The following TBCK variants were observed in gnomAD, a reference collection of about 807,000 sequenced individuals.
TBCK encodes TBC1 domain containing kinase, also known as TBC domain-containing protein kinase-like protein.
TBCK carries 99 observed loss-of-function variants against 113.4 expected under a neutral mutation model. That is an observed-to-expected ratio of 0.87 (90% CI 0.74 to 1.03). TBCK has a LOEUF of 1.03. Ranked by LOEUF, TBCK falls within the 50% of genes least tolerant of loss-of-function variation. The pLI, the probability that TBCK is intolerant of heterozygous loss-of-function variation, is 0.00. For synonymous variants in TBCK, 369 were observed against 370.8 expected, an observed-to-expected ratio of 1.00 and a Z score of 0.05; for missense variants, 1,045 against 1,061.3, an observed-to-expected ratio of 0.98 and a Z score of 0.21.
chr4:106,265,636 C>T (rs1003755602), intron 3 of TBCK, among the ~76,000 whole-genome samples: 12 of 151,596 alleles, frequency 7.9e-5, no homozygotes, highest in East Asian at 1.9e-4. Flanking sequence ...TGTTCCTTGT[C>T]GATAGATACT....
intron 23 of TBCK, among the ~76,000 whole-genome samples, chr4:106,122,122 C>T (rs897119587): frequency 2.5e-4 from 38 of 151,766 alleles, no homozygotes; most frequent in African/African-American, 8.5e-4. Flanking sequence ...ATTGATAGAC[C>T]GCTAGCAAGA....
At chr4:106,154,782 A>G (rs1202346486) in intron 23 of TBCK, among the ~76,000 whole-genome samples, 1 of 152,124 alleles carries the variant, frequency 6.6e-6, no homozygotes, top group Admixed American at 6.6e-5. Context: ...TTTCTTTATA[A>G]ATTACCCAGT....
chr4:106,150,309 CTTA>C (rs1038986720), intron 23 of TBCK, among the ~76,000 whole-genome samples: 4 of 152,164 alleles, frequency 2.6e-5, no homozygotes, highest in African/African-American at 7.2e-5. Context: ...ATATGAATGC[CTTA>C]TTGAGATATT....
intron 2 of TBCK, among the ~76,000 whole-genome samples, chr4:106,301,171 T>C (rs1276721212): frequency 6.8e-6 from 1 of 147,040 alleles, no homozygotes; most frequent in Non-Finnish European, 1.5e-5. Flanking sequence ...ATAACTTATA[T>C]AATTATATAT....
intron 3 of TBCK, among the ~76,000 whole-genome samples, chr4:106,275,323 G>A (rs896245794): frequency 5.3e-5 from 8 of 152,040 alleles, no homozygotes; most frequent in Non-Finnish European, 1.2e-4. Context: ...AGCTAAGACC[G>A]TATATAATGG....
At chr4:106,081,909 T>C (rs1400883488) in intron 25 of TBCK, among the ~76,000 whole-genome samples, 2 of 152,102 alleles carry the variant, frequency 1.3e-5, no homozygotes, top group Non-Finnish European at 2.9e-5. Context: ...TGAGATACCA[T>C]CTCACATCAG....
chr4:106,077,480 TA>T (rs1738342485), intron 25 of TBCK, among the ~76,000 whole-genome samples: 1 of 152,180 alleles, frequency 6.6e-6, no homozygotes, highest in South Asian at 2.1e-4. Context: ...AAAGATTGAT[TA>T]GGTAAATAGA....
At chr4:106,077,832 A>G (rs1449944126) in intron 25 of TBCK, among the ~76,000 whole-genome samples, 1 of 152,202 alleles carries the variant, frequency 6.6e-6, no homozygotes, top group Non-Finnish European at 1.5e-5. Context: ...AGAACACTCC[A>G]TCCAACAACA....
chr4:106,125,073 C>T (rs1274630748), intron 23 of TBCK, among the ~76,000 whole-genome samples: 11 of 150,430 alleles, frequency 7.3e-5, no homozygotes, highest in Admixed American at 7.3e-4. Flanking sequence ...AGGCAAAAAG[C>T]ATGGACGTTA....
intron 3 of TBCK, among the ~76,000 whole-genome samples, chr4:106,275,683 CAT>C: frequency 6.6e-6 from 1 of 152,162 alleles, no homozygotes; most frequent in Admixed American, 6.5e-5. Context: ...ATATCAAAAA[CAT>C]AAGCTACTTA....
intron 2 of TBCK, among the ~76,000 whole-genome samples, chr4:106,306,023 C>T (rs12644596): frequency 0.15 from 22,712 of 152,010 alleles, 1,842 homozygotes; most frequent in South Asian, 0.25. Flanking sequence ...CTTCACTTTC[C>T]TAACAAACTT....
intron 23 of TBCK, among the ~76,000 whole-genome samples, chr4:106,135,428 G>A (rs746209975): frequency 2.1e-5 from 2 of 96,664 alleles, no homozygotes; most frequent in Non-Finnish European, 5.3e-5. Flanking sequence ...TGGCTCTGGA[G>A]AATGTACACT....
At chr4:106,265,186 CTCTT>C (rs1410798740) in intron 3 of TBCK, among the ~76,000 whole-genome samples, 2 of 151,908 alleles carry the variant, frequency 1.3e-5, no homozygotes, top group African/African-American at 2.4e-5. Flanking sequence ...TGTTTTCTCT[CTCTT>C]TTTCTCTAAG....
Position 106,232,927 on chromosome 4 carries a change from A to G in TBCK, c.1639+11T>C, listed in dbSNP as rs1398752212. The G allele has an allele frequency of 7.5e-6, 12 of 1,609,358 alleles. No individual in the cohort carries two copies. In the Admixed American group the frequency reaches 1.9e-4, roughly 25 times the overall value. ...ATACTCCAGAGGAGTTTTAATGACT[A>G]CAAAAGTTACCTTGCCAATACACAA... is the stretch of plus-strand genomic sequence containing the variant. On this transcript the variant is annotated intron_variant, in intron 17 of 25. Coordinates refer to ENST00000394708, the MANE Select transcript of TBCK (RefSeq NM_001163435.3).
At chr4:106,267,928 A>C (rs561800350) in intron 3 of TBCK, among the ~76,000 whole-genome samples, 1 of 152,174 alleles carries the variant, frequency 6.6e-6, no homozygotes, top group African/African-American at 2.4e-5. Context: ...TCGTATGTTC[A>C]CAGCCACAGG....
chr4:106,070,323 C>T (rs1234106852), intron 25 of TBCK, among the ~76,000 whole-genome samples: 1 of 152,134 alleles, frequency 6.6e-6, no homozygotes, highest in African/African-American at 2.4e-5. Flanking sequence ...CCATCAATAC[C>T]TAGTTTACTG....
Position 106,138,980 on chromosome 4 carries a change from G to A in TBCK, c.2236-22602C>T, listed in dbSNP as rs1342517360. On this transcript the variant is annotated intron_variant, in intron 23 of 25. Coordinates refer to ENST00000394708, the MANE Select transcript of TBCK (RefSeq NM_001163435.3). The stretch of plus-strand genomic sequence containing the variant: ...CAGTAATTTAGTTAGTAGAACTGAT[G>A]TTTTCATCTCAAACTCTAATTTTCC... Among the ~76,000 whole-genome samples, 4 of 140,860 alleles carry A rather than the reference G, an allele frequency of 2.8e-5. 1 individual carries two copies. In the East Asian group the frequency reaches 8.1e-4, roughly 29 times the overall value. The allele number at this position is 140,860 out of a possible 152,430, so 92.4% of individuals were successfully genotyped here.
intron 18 of TBCK, 66 bp from the exon 19 acceptor site, chr4:106,230,512 C>T (rs1406652786): frequency 3.4e-6 from 3 of 879,652 alleles, no homozygotes; most frequent in Non-Finnish European, 5.3e-6. Flanking sequence ...ATCAGTAATG[C>T]ATTCACTTAG....
At chr4:106,125,423 G>A (rs749365214) in intron 23 of TBCK, among the ~76,000 whole-genome samples, 22 of 152,192 alleles carry the variant, frequency 1.4e-4, no homozygotes, top group African/African-American at 5.3e-4. Flanking sequence ...TGCCGAGTGA[G>A]GTGGCCCATG....
Sources: allele counts gnomAD v4.1 joint callset (sites outside exome capture counted in the v4.1 genomes callset), GRCh38; gene constraint gnomAD v4.1.1; transcripts MANE v1.5; gene names NCBI Gene and HGNC (gene_info 2026-07-23, HGNC 2026-07-21).